CCR8: variants seen among roughly 807,000 people sequenced by gnomAD.
CCR8 encodes C-C motif chemokine receptor 8, also known as C-C chemokine receptor type 8.
For missense variants in CCR8, 358 were observed against 417.5 expected (o/e 0.86, Z 1.24); for synonymous variants, 156 against 165.7 (o/e 0.94, Z 0.45).
intron 1 of CCR8, among the ~76,000 whole-genome samples, chr3:39,332,050 ACC>A (rs1216853485): frequency 6.7e-6 from 1 of 148,926 alleles, no homozygotes; most frequent in Non-Finnish European, 1.5e-5. Flanking sequence ...TGAACCCCTG[ACC>A]TCAGGTGATC....
rs975083008 is a variant in CCR8 at position 39,332,755 on chromosome 3, C to G, written c.424C>G (p.Leu142Val). ...GGCTGTTGTCCATGCCGTGTATGCC[C>G]TAAAGGTGAGGACGATCAGGATGGG... is the stretch of plus-strand genomic sequence containing the variant. ...YLAVVHAVYA[L>V]KVRTIRMGTT... Residue 142 changes from leucine (L) to valine (V), a missense_variant, in exon 2 of 2, where the codon CTA becomes GTA. Transcript: ENST00000326306. The G allele has an allele frequency of 6.2e-7, 1 of 1,614,164 alleles. No homozygotes were observed. Among genetic ancestry groups the G allele is most frequent in the Middle Eastern group, 1.6e-4 (1 of 6,062 alleles).
In CCR8 at chr3:39,333,135, C is replaced by G; in HGVS notation, c.804C>G (p.Ile268Met). Residue 268 changes from isoleucine to methionine, a missense_variant, in exon 2 of 2, where the codon ATC becomes ATG. Transcript: ENST00000326306. ...LFLTSLHSMHILDGCSISQQL... is the reference protein window; with the variant it reads ...LFLTSLHSMHMLDGCSISQQL... ...TCACTTCCTTGCACAGTATGCACAT[C>G]TTGGATGGATGTAGCATAAGCCAAC... 6.2e-7 allele frequency: 1 copy of G among 1,614,102 alleles called. No homozygotes were observed.
intron 1 of CCR8, among the ~76,000 whole-genome samples, chr3:39,330,566 A>C (rs896353169): frequency 6.6e-6 from 1 of 152,164 alleles, no homozygotes; most frequent in Non-Finnish European, 1.5e-5. Context: ...AAGTTTTATA[A>C]TTTTTATGTA....
chr3:39,333,443 A>G lies in CCR8; in HGVS notation c.*44A>G, dbSNP rs1469322286. 1 of 1,480,952 alleles carries G rather than the reference A, an allele frequency of 6.8e-7. No homozygotes were observed. Among genetic ancestry groups the G allele is most frequent in the Non-Finnish European group, 9.2e-7 (1 of 1,085,856 alleles). 91.7% of individuals were successfully genotyped at this position (1,480,952 alleles called of 1,614,324 possible). A position where few individuals can be genotyped will look rare whatever the true frequency, so the allele number is the denominator to read the frequency against. ...TATAAAAAACATTTTCTTGAATGGC[A>G]TGCTAGTAGCAGTGAGCAAAGGTGT... On this transcript the variant is annotated 3_prime_UTR_variant, in exon 2 of 2. Transcript: ENST00000326306.
Position 39,332,954 on chromosome 3 carries a change from T to A in CCR8, c.623T>A (p.Leu208Ter). The A allele has an allele frequency of 6.2e-7, 1 of 1,614,180 alleles. No homozygotes were observed. The highest frequency in any genetic ancestry group is 8.5e-7 in the Non-Finnish European group (1 of 1,180,014). ...TTCAAAATGAACATTTTAGGCTTGTTGATCCCATTCACCATCTTTATGTTC... is the reference window on the plus strand; with the variant it reads ...TTCAAAATGAACATTTTAGGCTTGTAGATCCCATTCACCATCTTTATGTTC... ...TNFKMNILGL[L>*]IPFTIFMFCY... The change falls in exon 2 of 2, where the codon TTG (leucine) becomes TAG (stop). Residue 208 changes from leucine to a stop codon, truncating the protein, a stop_gained. Transcript: ENST00000326306. LOFTEE classifies it low-confidence loss of function (END_TRUNC).
Position 39,332,484 on chromosome 3 carries a change from G to A in CCR8, c.153G>A (p.Leu51=). The A allele has an allele frequency of 6.2e-7, 1 of 1,614,090 alleles. No individual in the cohort carries two copies. Among genetic ancestry groups the A allele is most frequent in the Non-Finnish European group, 8.5e-7 (1 of 1,180,014 alleles). Residue 51 remains leucine, a synonymous_variant, in exon 2 of 2, where the codon CTG becomes CTA. Transcript: ENST00000326306. Reference sequence around the variant, plus strand: ...GCCTCCTGTTTGTATTCAGTCTTCTGGGAAACAGCCTGGTCATCCTGGTCC... The same window carrying A: ...GCCTCCTGTTTGTATTCAGTCTTCTAGGAAACAGCCTGGTCATCCTGGTCC... ...FYCLLFVFSL[L]GNSLVILVLV... is the part of the protein sequence containing the mutation.
Position 39,333,432 on chromosome 3 carries a change from T to C in CCR8, c.*33T>C. 2 of 1,531,712 alleles carry C rather than the reference T, an allele frequency of 1.3e-6. No homozygotes were observed. Among genetic ancestry groups the C allele is most frequent in the Admixed American group, 1.9e-5 (1 of 52,472 alleles). The allele number at this position is 1,531,712 out of a possible 1,614,324, so 94.9% of individuals were successfully genotyped here. ...TGAAGACTAAATATAAAAAACATTT[T>C]CTTGAATGGCATGCTAGTAGCAGTG... On this transcript the variant is annotated 3_prime_UTR_variant, in exon 2 of 2. Coordinates refer to ENST00000326306, the MANE Select transcript of CCR8 (RefSeq NM_005201.4).
intron 1 of CCR8, among the ~76,000 whole-genome samples, chr3:39,331,303 T>C (rs1317468271): frequency 6.6e-6 from 1 of 152,210 alleles, no homozygotes; most frequent in Admixed American, 6.5e-5. Flanking sequence ...GCAGTTGATT[T>C]CTGGTGAGGC....
chr3:39,333,120 G>T lies in CCR8; in HGVS notation c.789G>T (p.Leu263Phe), dbSNP rs1434668606. ...PFNVVLFLTS[L>F]HSMHILDGCS... ...ACGTGGTTCTTTTCCTCACTTCCTTGCACAGTATGCACATCTTGGATGGAT... is the reference window on the plus strand; with the variant it reads ...ACGTGGTTCTTTTCCTCACTTCCTTTCACAGTATGCACATCTTGGATGGAT... The change falls in exon 2 of 2, where the codon TTG becomes TTT. Residue 263 changes from leucine to phenylalanine, a missense_variant. Coordinates refer to ENST00000326306, the MANE Select transcript of CCR8 (RefSeq NM_005201.4). 5 of 1,613,934 alleles carry T rather than the reference G, an allele frequency of 3.1e-6. No individual in the cohort carries two copies. Among genetic ancestry groups the T allele is most frequent in the Non-Finnish European group, 3.4e-6 (4 of 1,180,036 alleles).
chr3:39,333,477 A>C lies in CCR8; in HGVS notation c.*78A>C. ...GCAGTGAGCAAAGGTGTGGGTGTGAAAGGTTTCCAAAAAAAGTTCAGCATG... is the reference window on the plus strand; with the variant it reads ...GCAGTGAGCAAAGGTGTGGGTGTGACAGGTTTCCAAAAAAAGTTCAGCATG... On this transcript the variant is annotated 3_prime_UTR_variant, in exon 2 of 2. Transcript: ENST00000326306. 8.5e-7 allele frequency: 1 copy of C among 1,177,102 alleles called. No homozygotes were observed. Among genetic ancestry groups the C allele is most frequent in the Non-Finnish European group, 1.2e-6 (1 of 841,100 alleles). The allele number at this position is 1,177,102 out of a possible 1,614,324, so 72.9% of individuals were successfully genotyped here.
At chr3:39,331,888 C>T (rs1435568241) in intron 1 of CCR8, among the ~76,000 whole-genome samples, 2 of 133,516 alleles carry the variant, frequency 1.5e-5, no homozygotes, top group East Asian at 4.7e-4. Context: ...GGTGTGATCT[C>T]GGCTCACAGC....
intron 1 of CCR8, among the ~76,000 whole-genome samples, chr3:39,332,102 T>A (rs992972498): frequency 2.6e-5 from 4 of 152,158 alleles, no homozygotes; most frequent in African/African-American, 9.7e-5. Context: ...ATTACAGGCA[T>A]GAGCCACAGC....
rs1333961341 is a variant in CCR8, at chr3:39,332,541, A to G, written c.210A>G (p.Thr70=). The G allele has an allele frequency of 6.2e-7, 1 of 1,614,172 alleles. No individual in the cohort carries two copies. Among genetic ancestry groups the G allele is most frequent in the Non-Finnish European group, 8.5e-7 (1 of 1,180,012 alleles). Reference sequence around the variant, plus strand: ...TCTGCAAGAAGCTGAGGAGCATCACAGATGTATACCTCTTGAACCTGGCCC... The same window carrying G: ...TCTGCAAGAAGCTGAGGAGCATCACGGATGTATACCTCTTGAACCTGGCCC... The part of the protein sequence containing the change: ...LVVCKKLRSI[T]DVYLLNLALS... The change falls in exon 2 of 2, where the codon ACA becomes ACG. Residue 70 remains threonine, a synonymous_variant. Coordinates refer to ENST00000326306, the MANE Select transcript of CCR8 (RefSeq NM_005201.4).
chr3:39,332,455 T>C lies in CCR8; in HGVS notation c.124T>C (p.Tyr42His). The C allele has an allele frequency of 2.5e-6, 4 of 1,614,120 alleles. No homozygotes were observed. The highest frequency in any genetic ancestry group is 3.4e-6 in the Non-Finnish European group (4 of 1,180,020). Residue 42 changes from tyrosine to histidine, a missense_variant, in exon 2 of 2, where the codon TAT becomes CAT. Physicochemically the swap from Tyr to His is moderately conservative, Grantham distance 83 (BLOSUM62 2). Coordinates refer to ENST00000326306, the MANE Select transcript of CCR8 (RefSeq NM_005201.4). ...TGGCAAGTTGCTCCTTGCTGTCTTT[T>C]ATTGCCTCCTGTTTGTATTCAGTCT... ...TNGKLLLAVF[Y>H]CLLFVFSLLG...
In CCR8 at chr3:39,333,470, G is replaced by A. The variant is rs1349045987; in HGVS notation, c.*71G>A. The A allele has an allele frequency of 8.0e-7, 1 of 1,253,664 alleles. No homozygotes were observed. Among genetic ancestry groups the A allele is most frequent in the Non-Finnish European group, 1.1e-6 (1 of 907,672 alleles). The allele number at this position is 1,253,664 out of a possible 1,614,324, so 77.7% of individuals were successfully genotyped here. ...GCTAGTAGCAGTGAGCAAAGGTGTG[G>A]GTGTGAAAGGTTTCCAAAAAAAGTT... On this transcript the variant is annotated 3_prime_UTR_variant, in exon 2 of 2. Coordinates refer to ENST00000326306, the MANE Select transcript of CCR8 (RefSeq NM_005201.4).
chr3:39,331,920 A>G (rs1196878120), intron 1 of CCR8, among the ~76,000 whole-genome samples: 5 of 147,894 alleles, frequency 3.4e-5, no homozygotes, highest in African/African-American at 1.3e-4. Context: ...CTTCGGTTCA[A>G]GTGATTCTTC....
chr3:39,331,904 C>T (rs1388605311), intron 1 of CCR8, among the ~76,000 whole-genome samples: 1 of 146,622 alleles, frequency 6.8e-6, no homozygotes, highest in Non-Finnish European at 1.5e-5. Context: ...ACAGCAACCT[C>T]CACCTCTTCG....
In CCR8 at chr3:39,333,557, G is replaced by T; in HGVS notation, c.*158G>T. 1 of 618,348 alleles carries T rather than the reference G, an allele frequency of 1.6e-6. No homozygotes were observed. The highest frequency in any genetic ancestry group is 2.8e-5 in the East Asian group (1 of 36,308). The allele number at this position is 618,348 out of a possible 1,614,324, so 38.3% of individuals were successfully genotyped here. On this transcript the variant is annotated 3_prime_UTR_variant, in exon 2 of 2. Transcript: ENST00000326306. The stretch of plus-strand genomic sequence containing the variant: ...TTGGAACACAATGACTAAAGACATA[G>T]TTGTGCATGCCTGGCACAACATCAA...
Position 39,333,459 on chromosome 3 carries a change from G to T in CCR8, c.*60G>T. The stretch of plus-strand genomic sequence containing the variant: ...TTGAATGGCATGCTAGTAGCAGTGA[G>T]CAAAGGTGTGGGTGTGAAAGGTTTC... On this transcript the variant is annotated 3_prime_UTR_variant, in exon 2 of 2. Transcript: ENST00000326306. 7.4e-7 allele frequency: 1 copy of T among 1,353,014 alleles called. No individual in the cohort carries two copies. Among genetic ancestry groups the T allele is most frequent in the Non-Finnish European group, 1.0e-6 (1 of 983,172 alleles). The allele number at this position is 1,353,014 out of a possible 1,614,324, so 83.8% of individuals were successfully genotyped here. A position where few individuals can be genotyped will look rare whatever the true frequency, so the allele number is the denominator to read the frequency against.
Sources: allele counts gnomAD v4.1 joint callset (sites outside exome capture counted in the v4.1 genomes callset), GRCh38; gene constraint gnomAD v4.1.1; transcripts MANE v1.5; gene names NCBI Gene and HGNC (gene_info 2026-07-23, HGNC 2026-07-21).